Variants in AKAP19 observed in about 807,000 individuals in gnomAD.
AKAP19 encodes small A-kinase anchoring protein.
chr2:190,183,593 G>A, the AKAP19 span, among the ~76,000 whole-genome samples: 6 of 152,054 alleles, frequency 3.9e-5, no homozygotes, highest in Non-Finnish European at 8.8e-5. Flanking sequence ...AGTCTGTAAA[G>A]TCTAGGAATT....
At chr2:189,895,140 AAATATT>A in the AKAP19 span, among the ~76,000 whole-genome samples, 1 of 152,142 alleles carries the variant, frequency 6.6e-6, no homozygotes, top group Non-Finnish European at 1.5e-5. Context: ...ACATAAAAGA[AAATATT>A]AAAATGAAAG....
chr2:190,161,756 T>C, the AKAP19 span, among the ~76,000 whole-genome samples: 2 of 152,166 alleles, frequency 1.3e-5, no homozygotes. Context: ...GAATGTGTTC[T>C]GGACTTACTT....
chr2:190,031,997 C>A, the AKAP19 span, among the ~76,000 whole-genome samples: 3 of 152,030 alleles, frequency 2.0e-5, no homozygotes, highest in East Asian at 5.8e-4. Context: ...TTATATTTTT[C>A]TTTATACATG....
At chr2:190,198,197 G>A in the AKAP19 span, among the ~76,000 whole-genome samples, 6 of 152,066 alleles carry the variant, frequency 3.9e-5, no homozygotes, top group Non-Finnish European at 8.8e-5. Flanking sequence ...TCTTATTAGG[G>A]GTAGGAACAG....
the AKAP19 span, among the ~76,000 whole-genome samples, chr2:190,151,066 C>T: frequency 6.6e-6 from 1 of 152,206 alleles, no homozygotes; most frequent in South Asian, 2.1e-4. Context: ...TATAAGAATA[C>T]TTATAAGCAC....
the AKAP19 span, among the ~76,000 whole-genome samples, chr2:190,106,438 C>T: frequency 1.3e-5 from 2 of 152,160 alleles, no homozygotes; most frequent in Admixed American, 1.3e-4. Context: ...AGTACTCAGG[C>T]TAATCCTAAT....
chr2:190,183,691 CCTT>C, the AKAP19 span, among the ~76,000 whole-genome samples: 2 of 151,744 alleles, frequency 1.3e-5, no homozygotes, highest in African/African-American at 2.4e-5. Context: ...TTGAGACTGC[CCTT>C]CTTCTCCATG....
the AKAP19 span, among the ~76,000 whole-genome samples, chr2:190,132,454 A>G: frequency 1.3e-5 from 2 of 152,166 alleles, no homozygotes; most frequent in Non-Finnish European, 2.9e-5. Context: ...GACACACAGA[A>G]TAGAGAGCCC....
At chr2:189,945,733 CA>C in the AKAP19 span, among the ~76,000 whole-genome samples, 10 of 152,182 alleles carry the variant, frequency 6.6e-5, no homozygotes, top group African/African-American at 1.9e-4. Flanking sequence ...TAAGTACTTC[CA>C]GGGGTCCTTT....
At chr2:189,968,821 A>T in the AKAP19 span, among the ~76,000 whole-genome samples, 1 of 152,098 alleles carries the variant, frequency 6.6e-6, no homozygotes, top group Non-Finnish European at 1.5e-5. Context: ...TTTCTTTTAT[A>T]TACTCTAATC....
the AKAP19 span, among the ~76,000 whole-genome samples, chr2:190,167,344 C>T: frequency 6.6e-6 from 1 of 152,128 alleles, no homozygotes; most frequent in Non-Finnish European, 1.5e-5. Context: ...TCACTGGGTC[C>T]CTCCCACAAC....
the AKAP19 span, among the ~76,000 whole-genome samples, chr2:190,048,210 G>T: frequency 6.6e-6 from 1 of 152,148 alleles, no homozygotes; most frequent in Non-Finnish European, 1.5e-5. Context: ...AATTAAGAAA[G>T]AAAAACTTTT....
At chr2:189,890,866 A>G in the AKAP19 span, among the ~76,000 whole-genome samples, 1 of 152,152 alleles carries the variant, frequency 6.6e-6, no homozygotes, top group African/African-American at 2.4e-5. Flanking sequence ...TCTTGACTCT[A>G]TCCAATTTGC....
At chr2:190,093,639 AT>A in the AKAP19 span, among the ~76,000 whole-genome samples, 4 of 151,964 alleles carry the variant, frequency 2.6e-5, no homozygotes, top group African/African-American at 9.7e-5. Context: ...TTGCTCTCAT[AT>A]TTCCCCTTCT....
chr2:190,064,388 A>G, the AKAP19 span, among the ~76,000 whole-genome samples: 3,806 of 151,796 alleles, frequency 0.025, 166 homozygotes, highest in East Asian at 0.18. Context: ...ACATGCATCT[A>G]TACAGTTCCA....
the AKAP19 span, among the ~76,000 whole-genome samples, chr2:189,982,331 A>G: frequency 6.6e-6 from 1 of 152,034 alleles, no homozygotes; most frequent in East Asian, 1.9e-4. Flanking sequence ...TCTATTAGTG[A>G]ATTTTTCAAT....
chr2:190,018,873 G>A, the AKAP19 span, among the ~76,000 whole-genome samples: 1 of 152,208 alleles, frequency 6.6e-6, no homozygotes, highest in South Asian at 2.1e-4. Context: ...CTTGCTTTTG[G>A]GTTCTCTAGA....
chr2:190,047,857 A>G, the AKAP19 span, among the ~76,000 whole-genome samples: 1 of 152,080 alleles, frequency 6.6e-6, no homozygotes, highest in Non-Finnish European at 1.5e-5. Flanking sequence ...GGATGTGTAA[A>G]TTTTTTCCTC....
At chr2:190,148,953 C>CTTTTTTT in the AKAP19 span, among the ~76,000 whole-genome samples, 1 of 134,078 alleles carries the variant, frequency 7.5e-6, no homozygotes, top group African/African-American at 2.8e-5. Flanking sequence ...TCTTTTCTTT[C>CTTTTTTT]TTTTTTTTTT....
Sources: allele counts gnomAD v4.1 joint callset (sites outside exome capture counted in the v4.1 genomes callset), GRCh38; gene constraint gnomAD v4.1.1; transcripts MANE v1.5; gene names NCBI Gene and HGNC (gene_info 2026-07-23, HGNC 2026-07-21).